Variants in PLEKHA5 observed in about 807,000 individuals in gnomAD.
PLEKHA5 encodes the protein pleckstrin homology domain containing A5, also known as pleckstrin homology domain-containing family A member 5.
Under a neutral mutation model 181.9 loss-of-function variants are expected in PLEKHA5, and 55 were observed. The observed-to-expected ratio is 0.30, with a 90% CI of 0.24 to 0.38. The LOEUF (loss-of-function observed/expected upper bound fraction) is 0.38, where lower values mean the gene tolerates loss of function less well. Among genes scored for constraint, PLEKHA5 ranks in the 10% least tolerant of loss-of-function variants. PLEKHA5 has a pLI of 1.00. For missense variants in PLEKHA5, 1,432 were observed against 1,549.5 expected, an observed-to-expected ratio of 0.92 and a Z score of 1.27; for synonymous variants, 535 against 529.4, an observed-to-expected ratio of 1.01 and a Z score of -0.15.
At chr12:19,281,309 G>T (rs536444322) in intron 11 of PLEKHA5, among the ~76,000 whole-genome samples, 2 of 151,822 alleles carry the variant, frequency 1.3e-5, no homozygotes, top group African/African-American at 4.8e-5. Flanking sequence ...GAGGCCAGGC[G>T]CTCACTCCTG....
At chr12:19,217,553 A>G (rs1319992713) in intron 3 of PLEKHA5, among the ~76,000 whole-genome samples, 1 of 152,228 alleles carries the variant, frequency 6.6e-6, no homozygotes, top group East Asian at 1.9e-4. Context: ...TTCAACAGGT[A>G]TGAATAAAAA....
At chr12:19,280,036 G>GTTT (rs869050795) in intron 11 of PLEKHA5, among the ~76,000 whole-genome samples, 10 of 54,502 alleles carry the variant, frequency 1.8e-4, no homozygotes, top group East Asian at 6.1e-4. Context: ...AATGAAACCT[G>GTTT]TTTTTTTTTT....
chr12:19,306,488 C>A, intron 15 of PLEKHA5: 1 of 694,804 alleles, frequency 1.4e-6, no homozygotes, highest in East Asian at 3.1e-5. Context: ...CCTCTTCCCC[C>A]TCCTTGCTGT....
intron 3 of PLEKHA5, among the ~76,000 whole-genome samples, chr12:19,194,174 A>G (rs771785126): frequency 3.3e-5 from 5 of 152,102 alleles, no homozygotes; most frequent in Admixed American, 6.5e-5. Flanking sequence ...TTTAGTTCCC[A>G]CTTATAAGTG....
At chr12:19,304,089 G>A (rs918025600) in intron 15 of PLEKHA5, among the ~76,000 whole-genome samples, 4 of 151,842 alleles carry the variant, frequency 2.6e-5, no homozygotes, top group African/African-American at 9.6e-5. Context: ...TACTATAGGC[G>A]TGAGCCACCG....
At chr12:19,340,867 A>T (rs542389176) in intron 21 of PLEKHA5, among the ~76,000 whole-genome samples, 1 of 149,510 alleles carries the variant, frequency 6.7e-6, no homozygotes, top group South Asian at 2.1e-4. Flanking sequence ...TTGTTCACTT[A>T]TCTGCTGACC....
At chr12:19,294,977 C>A (rs886234549) in intron 15 of PLEKHA5, among the ~76,000 whole-genome samples, 6 of 152,254 alleles carry the variant, frequency 3.9e-5, no homozygotes, top group Admixed American at 3.3e-4. Context: ...TTTGTTTCAT[C>A]ATTAAGTACA....
intron 20 of PLEKHA5, among the ~76,000 whole-genome samples, chr12:19,323,646 G>C (rs375470408): frequency 6.6e-6 from 1 of 151,588 alleles, no homozygotes; most frequent in East Asian, 1.9e-4. Flanking sequence ...GTGAAACCTC[G>C]TCTCTACCAA....
chr12:19,246,630 AC>A (rs1459611267), intron 3 of PLEKHA5, among the ~76,000 whole-genome samples: 193 of 151,738 alleles, frequency 1.3e-3, no homozygotes, highest in Middle Eastern at 3.4e-3. Context: ...AAAAAAAAAA[AC>A]AATCTAGTAC....
intron 3 of PLEKHA5, among the ~76,000 whole-genome samples, chr12:19,231,571 T>G (rs1592143144): frequency 7.1e-6 from 1 of 140,602 alleles, no homozygotes; most frequent in Non-Finnish European, 1.5e-5. Flanking sequence ...TGTACACATA[T>G]ATATGTATAT....
Position 19,223,048 on chromosome 12 carries a change from C to T in PLEKHA5, c.228-30892C>T, listed in dbSNP as rs1035910272. On this transcript the variant is annotated intron_variant, in intron 3 of 31. Transcript: ENST00000429027. ...TGTTGTGTGACATCAAACCTGATAC[C>T]CTCCAGATAGCTTTGCAGTTAGGCA... Among the ~76,000 whole-genome samples, 10 of 148,050 alleles carry T rather than the reference C, an allele frequency of 6.8e-5. 1 individual carries two copies. Among genetic ancestry groups the T allele is most frequent in the Non-Finnish European group, 1.5e-4 (10 of 67,468 alleles).
chr12:19,285,206 AATAGTAACAATAT>A (rs1311256835), intron 12 of PLEKHA5, among the ~76,000 whole-genome samples: 5 of 152,252 alleles, frequency 3.3e-5, no homozygotes, highest in African/African-American at 1.2e-4. Flanking sequence ...GATTGATAAA[AATAGTAACAATAT>A]ATAAGAAAAA....
At chr12:19,135,290 G>T (rs2035280841) in intron 3 of PLEKHA5, among the ~76,000 whole-genome samples, 1 of 152,100 alleles carries the variant, frequency 6.6e-6, no homozygotes, top group South Asian at 2.1e-4. Flanking sequence ...TAAGAGGAGA[G>T]GATTGTAGTG....
At chr12:19,177,704 T>C (rs143243666) in intron 3 of PLEKHA5, among the ~76,000 whole-genome samples, 1 of 152,378 alleles carries the variant, frequency 6.6e-6, no homozygotes, top group African/African-American at 2.4e-5. Context: ...GTTTCCTTTA[T>C]GCCCCATTTC....
At chr12:19,147,592 T>C (rs1159169777) in intron 3 of PLEKHA5, among the ~76,000 whole-genome samples, 3 of 71,612 alleles carry the variant, frequency 4.2e-5, no homozygotes, top group Non-Finnish European at 8.9e-5. Flanking sequence ...GTAGTTTCTT[T>C]TTTCTTTTTT....
chr12:19,194,332 ATCCAGTCC>A, intron 3 of PLEKHA5, among the ~76,000 whole-genome samples: 1 of 152,318 alleles, frequency 6.6e-6, no homozygotes, highest in South Asian at 2.1e-4. Context: ...CATTTACTTT[ATCCAGTCC>A]TCCACTGATG....
chr12:19,168,719 G>T (rs1441457734), intron 3 of PLEKHA5, among the ~76,000 whole-genome samples: 2 of 152,048 alleles, frequency 1.3e-5, no homozygotes, highest in Admixed American at 6.5e-5. Context: ...CTCTTCAAAT[G>T]AGTGTAATAA....
chr12:19,222,052 A>T (rs1189204429), intron 3 of PLEKHA5, among the ~76,000 whole-genome samples: 3 of 152,032 alleles, frequency 2.0e-5, no homozygotes, highest in African/African-American at 7.2e-5. Context: ...GAGCCTAGGA[A>T]TTTGAGACCA....
chr12:19,130,683 AAGG>A lies in PLEKHA5; in HGVS notation c.169+571_169+573del, dbSNP rs774581464. 16 of 152,196 alleles carry A rather than the reference AAGG, an allele frequency of 1.1e-4. No homozygotes were observed. Among genetic ancestry groups the A allele is most frequent in the South Asian group, 6.2e-4 (3 of 4,818 alleles). The allele number at this position is 152,196 out of a possible 1,614,324, so 9.4% of individuals were successfully genotyped here. On this transcript the variant is annotated intron_variant, in intron 2 of 31. Transcript: ENST00000429027. This position sits in a 1 kb window ranked among gnomAD's most constrained non-coding sequence, Gnocchi z 4.5. ...GGGACTTGTGGGTAGGTGGCTGATG[AAGG>A]AGGAGGAGGAGGAGGAGAGGAGTTC...
Sources: allele counts gnomAD v4.1 joint callset (sites outside exome capture counted in the v4.1 genomes callset), GRCh38; gene constraint gnomAD v4.1.1; non-coding constraint Gnocchi (gnomAD v3.1); transcripts MANE v1.5; gene names NCBI Gene and HGNC (gene_info 2026-07-23, HGNC 2026-07-21).